GREB1L: variants seen among roughly 807,000 people sequenced by gnomAD.
The protein encoded by GREB1L is GREB1-like protein.
Under a neutral mutation model 200.8 loss-of-function variants are expected in GREB1L, and 17 were observed. That is an observed-to-expected ratio of 0.08 (90% confidence interval 0.06 to 0.13). GREB1L has a LOEUF of 0.13. Ranked by LOEUF, GREB1L falls within the 10% of genes least tolerant of loss-of-function variation. The pLI, the probability that GREB1L is intolerant of heterozygous loss-of-function variation, is 1.00. For synonymous variants in GREB1L, 789 were observed against 893.0 expected, an observed-to-expected ratio of 0.88 and a Z score of 2.08; for missense variants, 1,657 against 2,367.7, an observed-to-expected ratio of 0.70 and a Z score of 6.23.
Position 21,395,401 on chromosome 18 carries a change from A to G in GREB1L, c.372A>G (p.Gly124=), listed in dbSNP as rs1248714619. ...SCTTDGFCQA[G]KDLRLVSLCM... ...GGTTTTTAGGTTTTTGTCAAGCAGGAAAGGATTTGCGTTTGGTATCACTGT... is the reference window on the plus strand; with the variant it reads ...GGTTTTTAGGTTTTTGTCAAGCAGGGAAGGATTTGCGTTTGGTATCACTGT... Residue 124 remains glycine, a synonymous_variant, in exon 5 of 33, where the codon GGA becomes GGG. Coordinates refer to ENST00000424526, the MANE Select transcript of GREB1L (RefSeq NM_001142966.3). 1.9e-6 allele frequency: 3 copies of G among 1,550,206 alleles called. No homozygotes were observed. Among genetic ancestry groups the G allele is most frequent in the Non-Finnish European group, 2.6e-6 (3 of 1,146,580 alleles).
chr18:21,438,691 G>A (rs1245574536), intron 7 of GREB1L, among the ~76,000 whole-genome samples: 1 of 151,460 alleles, frequency 6.6e-6, no homozygotes, highest in African/African-American at 2.4e-5. Flanking sequence ...TGGCACGGTG[G>A]CTCATGCCTG....
At chr18:21,519,030 T>C (rs1471842453) in intron 31 of GREB1L, among the ~76,000 whole-genome samples, 1 of 152,246 alleles carries the variant, frequency 6.6e-6, no homozygotes, top group Non-Finnish European at 1.5e-5. Flanking sequence ...CTAAAGTCAC[T>C]GTATTCAGTT....
chr18:21,268,500 C>CAT (rs1397933357), intron 1 of GREB1L, among the ~76,000 whole-genome samples: 21 of 89,330 alleles, frequency 2.4e-4, no homozygotes, highest in Admixed American at 4.0e-4. Flanking sequence ...TATATATATA[C>CAT]ATATATATAT....
At chr18:21,379,833 AT>A (rs1271734813) in intron 2 of GREB1L, among the ~76,000 whole-genome samples, 1 of 152,196 alleles carries the variant, frequency 6.6e-6, no homozygotes, top group Non-Finnish European at 1.5e-5. Context: ...AGCTTTAAAA[AT>A]TTTTAATGTT....
At chr18:21,342,480 G>C (rs1222936244) in intron 1 of GREB1L, among the ~76,000 whole-genome samples, 3 of 151,960 alleles carry the variant, frequency 2.0e-5, no homozygotes, top group African/African-American at 7.3e-5. Flanking sequence ...TGAATCTTTT[G>C]TTGCTTTAAG....
chr18:21,409,961 C>T (rs542048924), intron 7 of GREB1L, among the ~76,000 whole-genome samples: 124 of 152,140 alleles, frequency 8.2e-4, no homozygotes, highest in Non-Finnish European at 1.5e-3. Context: ...TTGTTTATCT[C>T]TGTATCACCT....
At chr18:21,394,344 G>A (rs2040953860) in intron 4 of GREB1L, among the ~76,000 whole-genome samples, 2 of 152,204 alleles carry the variant, frequency 1.3e-5, no homozygotes, top group African/African-American at 4.8e-5. Context: ...TTCCCCAGAA[G>A]ATTTGCAGCA....
At chr18:21,264,308 TC>T (rs2037933915) in intron 1 of GREB1L, among the ~76,000 whole-genome samples, 1 of 151,866 alleles carries the variant, frequency 6.6e-6, no homozygotes, top group Admixed American at 6.6e-5. Context: ...TGACACAAAA[TC>T]TTAGTTTGCA....
chr18:21,247,132 C>A (rs1157666582), intron 1 of GREB1L, among the ~76,000 whole-genome samples: 1 of 152,102 alleles, frequency 6.6e-6, no homozygotes, highest in Admixed American at 6.6e-5. Context: ...TTCTTCCCTC[C>A]CATTCTTGAC....
At chr18:21,521,797 A>G (rs1323566374) in intron 32 of GREB1L, among the ~76,000 whole-genome samples, 1 of 151,594 alleles carries the variant, frequency 6.6e-6, no homozygotes, top group Non-Finnish European at 1.5e-5. Context: ...TGAGCTCAGG[A>G]GTTTGAGACC....
At chr18:21,285,850 T>C (rs1480988354) in intron 1 of GREB1L, among the ~76,000 whole-genome samples, 3 of 151,958 alleles carry the variant, frequency 2.0e-5, no homozygotes, top group Non-Finnish European at 4.4e-5. Context: ...GTGACTATAC[T>C]TGCTTGTGGG....
intron 22 of GREB1L, 81 bp downstream of exon 22, chr18:21,500,387 T>C: frequency 2.4e-6 from 2 of 839,090 alleles, no homozygotes; most frequent in Non-Finnish European, 3.8e-6. Context: ...GAAAACCTCT[T>C]GGGGGTGGAG....
intron 1 of GREB1L, among the ~76,000 whole-genome samples, chr18:21,274,709 C>T (rs7226448): frequency 1.3e-5 from 2 of 151,862 alleles, no homozygotes; most frequent in African/African-American, 4.8e-5. Flanking sequence ...GCCTGGGTGA[C>T]ATGGTGAAAC....
At chr18:21,262,161 C>T (rs2037899417) in intron 1 of GREB1L, among the ~76,000 whole-genome samples, 1 of 152,244 alleles carries the variant, frequency 6.6e-6, no homozygotes, top group Non-Finnish European at 1.5e-5. Flanking sequence ...AATCCACTAG[C>T]ATTTTTCTCC....
chr18:21,482,246 A>G (rs1276719971), intron 17 of GREB1L, among the ~76,000 whole-genome samples: 1 of 152,140 alleles, frequency 6.6e-6, no homozygotes, highest in Non-Finnish European at 1.5e-5. Flanking sequence ...AAAGAAGTTG[A>G]AAGAAGTTTT....
chr18:21,393,549 C>T (rs2144319474), intron 4 of GREB1L, among the ~76,000 whole-genome samples: 1 of 152,270 alleles, frequency 6.6e-6, no homozygotes, highest in South Asian at 2.1e-4. Flanking sequence ...GATCTGGGCT[C>T]ACTGCAAGCT....
intron 3 of GREB1L, among the ~76,000 whole-genome samples, chr18:21,383,999 C>T (rs899507827): frequency 6.6e-6 from 1 of 152,172 alleles, no homozygotes; most frequent in African/African-American, 2.4e-5. Flanking sequence ...CAGGCATGAG[C>T]CACTGCACCC....
At chr18:21,367,289 C>T (rs1426012222) in intron 2 of GREB1L, among the ~76,000 whole-genome samples, 1 of 152,104 alleles carries the variant, frequency 6.6e-6, no homozygotes, top group Non-Finnish European at 1.5e-5. Flanking sequence ...ATAATCCTTA[C>T]CAAATGTTGG....
At chr18:21,384,513 G>T in intron 4 of GREB1L, 110 bp downstream of exon 4, 1 of 797,740 alleles carries the variant, frequency 1.3e-6, no homozygotes. Context: ...TTATCGTATG[G>T]AGAGGAATGA....
Sources: gnomAD v4.1 joint callset for allele counts (sites outside exome capture counted in the v4.1 genomes callset) on GRCh38, gnomAD v4.1.1 for gene constraint, MANE v1.5 for transcripts, NCBI Gene and HGNC (gene_info 2026-07-23, HGNC 2026-07-21) for gene names.